Variants in ARHGEF7 observed in about 807,000 individuals in gnomAD.
ARHGEF7 encodes PAK-interacting exchange factor beta.
ARHGEF7 carries 33 observed loss-of-function variants against 109.8 expected under a neutral mutation model. The observed-to-expected ratio is 0.30, with a 90% CI of 0.23 to 0.40. The LOEUF (loss-of-function observed/expected upper bound fraction) is 0.40. ARHGEF7 is among the 10% of genes least tolerant of loss of function. The pLI is 1.00. For missense variants in ARHGEF7, 938 were observed against 1,098.5 expected (o/e 0.85, Z 2.07); for synonymous variants, 458 against 424.6 (o/e 1.08, Z -0.97).
chr13:111,280,792 A>G, intron 15 of ARHGEF7, 115 bp downstream of exon 15: 1 of 1,204,186 alleles, frequency 8.3e-7, no homozygotes. Flanking sequence ...TAAAAAGTGC[A>G]AAACACTTGC....
intron 6 of ARHGEF7, among the ~76,000 whole-genome samples, chr13:111,243,177 G>A (rs1205143172): frequency 6.6e-6 from 1 of 152,168 alleles, no homozygotes; most frequent in Non-Finnish European, 1.5e-5. Context: ...GGGAAAGTCT[G>A]TAGTTCCCAG....
chr13:111,252,928 G>T (rs1387674997), intron 8 of ARHGEF7, among the ~76,000 whole-genome samples: 1 of 152,242 alleles, frequency 6.6e-6, no homozygotes, highest in East Asian at 1.9e-4. Flanking sequence ...GCTTTTCGCA[G>T]GCCTGGCAGC....
intron 8 of ARHGEF7, among the ~76,000 whole-genome samples, chr13:111,262,839 A>G (rs1374320522): frequency 2.6e-5 from 4 of 152,178 alleles, no homozygotes; most frequent in African/African-American, 9.7e-5. Context: ...CATGGACACA[A>G]TGCAACATCA....
At chr13:111,186,683 A>G in intron 2 of ARHGEF7, 1 of 352,796 alleles carries the variant, frequency 2.8e-6, no homozygotes, top group East Asian at 1.7e-4. Context: ...AACTTTGCAA[A>G]CCACACTCCA....
Position 111,244,262 on chromosome 13 carries a change from A to T in ARHGEF7, c.918A>T (p.Gln306His). Residue 306 changes from glutamine (Q) to histidine (H), a missense_variant, in exon 8 of 22, where the codon CAA becomes CAT. By Grantham distance (24) the Gln-to-His change is conservative. Around this residue, in one of 4 missense-constraint regions of ARHGEF7, gnomAD observed 585 missense variants for 723.6 expected, o/e 0.81. Coordinates refer to ENST00000646102, the MANE Select transcript of ARHGEF7 (RefSeq NM_001354046.2). ...GNLEEICSFQ[Q>H]MLVQSLEECT... Reference sequence around the variant, plus strand: ...TAGAAGAAATATGTTCTTTCCAGCAAATGCTCGTACAGTCTTTAGAAGAAT... The same window carrying T: ...TAGAAGAAATATGTTCTTTCCAGCATATGCTCGTACAGTCTTTAGAAGAAT... 6.2e-7 allele frequency: 1 copy of T among 1,610,354 alleles called. No homozygotes were observed.
chr13:111,127,664 AAAAAAAAAAG>A (rs2067664912), intron 1 of ARHGEF7, among the ~76,000 whole-genome samples: 2 of 150,192 alleles, frequency 1.3e-5, no homozygotes, highest in Admixed American at 6.6e-5. Context: ...AAAAAAAAAA[AAAAAAAAAAG>A]AAGGAAGGAA....
chr13:111,241,001 C>A (rs180910766), intron 6 of ARHGEF7: 3 of 694,090 alleles, frequency 4.3e-6, no homozygotes, highest in Non-Finnish European at 6.6e-6. Context: ...AATGATGCAA[C>A]GAATAAAGTG....
At chr13:111,120,727 C>T (rs2067142861) in intron 1 of ARHGEF7, among the ~76,000 whole-genome samples, 1 of 152,218 alleles carries the variant, frequency 6.6e-6, no homozygotes, top group Non-Finnish European at 1.5e-5. Context: ...GCCTGCCTTT[C>T]TATACATCTT....
At chr13:111,143,546 T>C (rs2153361879) in intron 1 of ARHGEF7, 1 of 152,340 alleles carries the variant, frequency 6.6e-6, no homozygotes, top group African/African-American at 2.4e-5. Flanking sequence ...TCATTTACAG[T>C]CTGTTTCCAT....
chr13:111,251,852 C>T (rs7994267), intron 8 of ARHGEF7, among the ~76,000 whole-genome samples: 49,469 of 152,136 alleles, frequency 0.33, 8,688 homozygotes, highest in Non-Finnish European at 0.39. Flanking sequence ...ACCACCTTCA[C>T]ATACACTCAT....
At chr13:111,206,960 T>TAAAAAAAAAAAAA (rs35814705) in intron 3 of ARHGEF7, among the ~76,000 whole-genome samples, 1 of 53,742 alleles carries the variant, frequency 1.9e-5, no homozygotes, top group African/African-American at 6.6e-5. Context: ...AGACTCCATC[T>TAAAAAAAAAAAAA]AAAAAAAAAA....
At chr13:111,164,318 G>C (rs1301620505) in intron 2 of ARHGEF7, among the ~76,000 whole-genome samples, 1 of 152,188 alleles carries the variant, frequency 6.6e-6, no homozygotes, top group Non-Finnish European at 1.5e-5. Flanking sequence ...CCACTGGCTG[G>C]GTTCTTCATA....
At chr13:111,198,645 C>A (rs1594614424) in intron 2 of ARHGEF7, among the ~76,000 whole-genome samples, 1 of 152,110 alleles carries the variant, frequency 6.6e-6, no homozygotes, top group Non-Finnish European at 1.5e-5. Context: ...GCTGCAGACC[C>A]TTGCGGTGAG....
chr13:111,235,402 C>G (rs747843179), intron 6 of ARHGEF7, among the ~76,000 whole-genome samples: 1 of 152,164 alleles, frequency 6.6e-6, no homozygotes, highest in Admixed American at 6.5e-5. Flanking sequence ...TCTAACTGTC[C>G]TTTTACAGAG....
At chr13:111,297,303 C>T (rs1455865260) in intron 19 of ARHGEF7, among the ~76,000 whole-genome samples, 2 of 152,192 alleles carry the variant, frequency 1.3e-5, no homozygotes, top group African/African-American at 2.4e-5. Flanking sequence ...CCATCAGATC[C>T]GTAAATGGCA....
intron 18 of ARHGEF7, among the ~76,000 whole-genome samples, chr13:111,289,293 C>T (rs1292686870): frequency 6.6e-6 from 1 of 152,226 alleles, no homozygotes; most frequent in African/African-American, 2.4e-5. Flanking sequence ...CTCAGCCTCC[C>T]AGAGTGCTGG....
intron 1 of ARHGEF7, among the ~76,000 whole-genome samples, chr13:111,126,163 T>C (rs560842602): frequency 3.3e-5 from 5 of 152,356 alleles, no homozygotes; most frequent in African/African-American, 1.2e-4. Flanking sequence ...GTTATAATCA[T>C]CCCTATTTGT....
intron 2 of ARHGEF7, among the ~76,000 whole-genome samples, chr13:111,181,165 C>T (rs867360631): frequency 2.4e-4 from 37 of 152,178 alleles, no homozygotes; most frequent in African/African-American, 7.7e-4. Flanking sequence ...GTATTGGTTA[C>T]ATTGTGAAAT....
At chr13:111,129,693 A>T (rs1012715245) in intron 1 of ARHGEF7, among the ~76,000 whole-genome samples, 1 of 152,254 alleles carries the variant, frequency 6.6e-6, no homozygotes, top group African/African-American at 2.4e-5. Flanking sequence ...CACACGTATC[A>T]TCACGGCTGA....
Sources: allele counts gnomAD v4.1 joint callset (sites outside exome capture counted in the v4.1 genomes callset), GRCh38; gene constraint gnomAD v4.1.1; regional missense constraint gnomAD v4.1.1; transcripts MANE v1.5; gene names NCBI Gene and HGNC (gene_info 2026-07-23, HGNC 2026-07-21).